The following PKN2 variants were observed in gnomAD, a reference collection of about 807,000 sequenced individuals.
The protein encoded by PKN2 is serine/threonine-protein kinase N2.
PKN2 carries 38 observed loss-of-function variants against 119.1 expected under a neutral mutation model. The ratio of observed to expected loss-of-function variants is 0.32; its 90% confidence interval spans 0.25 to 0.42. PKN2 has a LOEUF of 0.42. Among genes scored for constraint, PKN2 ranks in the 10% least tolerant of loss-of-function variants. The pLI is 1.00. For missense variants in PKN2, 850 were observed against 1,165.1 expected (o/e 0.73, Z 3.94); for synonymous variants, 390 against 384.9 (o/e 1.01, Z -0.15).
At chr1:88,729,905 A>G (rs1429183938) in intron 1 of PKN2, among the ~76,000 whole-genome samples, 2 of 152,070 alleles carry the variant, frequency 1.3e-5, no homozygotes, top group Non-Finnish European at 2.9e-5. Context: ...CATTCAAAGT[A>G]AAAACCAAAG....
At chr1:88,721,944 C>G (rs770449607) in intron 1 of PKN2, among the ~76,000 whole-genome samples, 16 of 152,114 alleles carry the variant, frequency 1.1e-4, no homozygotes, top group Non-Finnish European at 2.2e-4. Flanking sequence ...CCATACAAAT[C>G]TACATTTGTA....
intron 10 of PKN2, 22 bp downstream of exon 10, chr1:88,804,943 CA>C: frequency 1.8e-6 from 2 of 1,094,216 alleles, no homozygotes; most frequent in Non-Finnish European, 2.7e-6. Flanking sequence ...CAATCAAATG[CA>C]TAGCATTTTG....
chr1:88,775,705 CTCTT>C (rs1557602832), intron 6 of PKN2, among the ~76,000 whole-genome samples: 1 of 152,134 alleles, frequency 6.6e-6, no homozygotes, highest in African/African-American at 2.4e-5. Context: ...GTCACAAACT[CTCTT>C]TATGCACCAT....
At chr1:88,741,974 C>G (rs1294726110) in intron 2 of PKN2, among the ~76,000 whole-genome samples, 1 of 151,954 alleles carries the variant, frequency 6.6e-6, no homozygotes, top group Non-Finnish European at 1.5e-5. Context: ...CTTAGACCGT[C>G]TCCTTAAAGG....
intron 21 of PKN2, 36 bp from the exon 22 acceptor site, chr1:88,833,209 C>A (rs1557643068): frequency 4.3e-6 from 7 of 1,609,364 alleles, no homozygotes; most frequent in African/African-American, 1.3e-5. Context: ...TTAGATTTAA[C>A]AAACTAAACT....
intron 8 of PKN2, among the ~76,000 whole-genome samples, chr1:88,797,868 C>T (rs1037499494): frequency 6.6e-6 from 1 of 152,016 alleles, no homozygotes; most frequent in Non-Finnish European, 1.5e-5. Context: ...GTGGTTCATG[C>T]CTGTAATCCC....
chr1:88,743,161 G>A (rs1668641605), intron 2 of PKN2, among the ~76,000 whole-genome samples: 1 of 152,202 alleles, frequency 6.6e-6, no homozygotes, highest in African/African-American at 2.4e-5. Context: ...CTGCCCTCCA[G>A]CCTGGGCAAC....
chr1:88,782,955 G>T (rs1670413045), intron 6 of PKN2, among the ~76,000 whole-genome samples: 1 of 152,096 alleles, frequency 6.6e-6, no homozygotes, highest in South Asian at 2.1e-4. Flanking sequence ...GACCCTTTTG[G>T]GTACTGCTTT....
intron 6 of PKN2, among the ~76,000 whole-genome samples, chr1:88,775,977 A>G (rs1055038454): frequency 7.2e-5 from 11 of 151,828 alleles, no homozygotes; most frequent in African/African-American, 2.2e-4. Context: ...GCGTGGTGGC[A>G]GGCCCCTGTA....
At chr1:88,727,317 C>G (rs1184400024) in intron 1 of PKN2, among the ~76,000 whole-genome samples, 1 of 151,674 alleles carries the variant, frequency 6.6e-6, no homozygotes, top group Non-Finnish European at 1.5e-5. Context: ...AACAGCATTC[C>G]TTTAGGTAAC....
chr1:88,722,157 T>C (rs1225128748), intron 1 of PKN2, among the ~76,000 whole-genome samples: 2 of 152,198 alleles, frequency 1.3e-5, no homozygotes, highest in African/African-American at 4.8e-5. Context: ...TTCAAGCACA[T>C]AAGATTATAA....
At chr1:88,691,737 T>G (rs1666341524) in intron 1 of PKN2, among the ~76,000 whole-genome samples, 1 of 152,206 alleles carries the variant, frequency 6.6e-6, no homozygotes, top group Admixed American at 6.5e-5. Context: ...TCCCTCCTTA[T>G]CCACGGTTTC....
intron 16 of PKN2, among the ~76,000 whole-genome samples, chr1:88,818,924 T>C (rs1672128977): frequency 6.6e-6 from 1 of 151,770 alleles, no homozygotes; most frequent in Non-Finnish European, 1.5e-5. Context: ...AAACAAGTAA[T>C]GGGGAAAGAA....
chr1:88,785,906 TCAAA>T (rs1015573607), intron 7 of PKN2, among the ~76,000 whole-genome samples, 194 bp from the exon 8 acceptor site: 16 of 152,214 alleles, frequency 1.1e-4, no homozygotes, highest in African/African-American at 3.9e-4. Context: ...TGTGTTTTTG[TCAAA>T]CAATTTGGGA....
intron 2 of PKN2, among the ~76,000 whole-genome samples, chr1:88,755,484 C>T (rs1344284722): frequency 6.6e-6 from 1 of 152,130 alleles, no homozygotes; most frequent in Admixed American, 6.5e-5. Flanking sequence ...AATAAATTCT[C>T]TAAGTTTCAG....
In PKN2 at chr1:88,804,997, C is replaced by G. The variant is rs998399834; in HGVS notation, c.1501+76C>G. 6 of 688,920 alleles carry G rather than the reference C, an allele frequency of 8.7e-6. No homozygotes were observed. The African/African-American group carries it at 9.4e-5, about 11-fold the overall frequency. 42.7% of individuals were successfully genotyped at this position (688,920 alleles called of 1,614,324 possible). Reference sequence around the variant, plus strand: ...CTAATTACCATTTAAAAAGTAATAGCCATCTGTGTGGGTTTTTTTGTTGTT... The same window carrying G: ...CTAATTACCATTTAAAAAGTAATAGGCATCTGTGTGGGTTTTTTTGTTGTT... On this transcript the variant is annotated intron_variant, in intron 10 of 21. Transcript: ENST00000370521.
In PKN2 at chr1:88,684,615, T is replaced by C. The variant is rs1469287048; in HGVS notation, c.35T>C (p.Leu12Pro). The change falls in exon 1 of 22, where the codon CTC becomes CCC. Residue 12 changes from leucine (L) to proline (P), a missense_variant. Transcript: ENST00000370521. The stretch of plus-strand genomic sequence containing the variant: ...AACCCCGAACGGGGGGAGATTCTGC[T>C]CACGGAACTGCAGGTAAGGGCCGCG... ...ASNPERGEIL[L>P]TELQGDSRSL... 5 of 1,563,236 alleles carry C rather than the reference T, an allele frequency of 3.2e-6. No individual in the cohort carries two copies. Among genetic ancestry groups the C allele is most frequent in the Non-Finnish European group, 4.3e-6 (5 of 1,155,468 alleles).
At chr1:88,721,980 A>C (rs1463247809) in intron 1 of PKN2, among the ~76,000 whole-genome samples, 2 of 152,124 alleles carry the variant, frequency 1.3e-5, no homozygotes, top group Non-Finnish European at 2.9e-5. Context: ...CCTCATCCCA[A>C]CTCCATATAC....
At chr1:88,725,140 A>C (rs1346116808) in intron 1 of PKN2, among the ~76,000 whole-genome samples, 1 of 152,096 alleles carries the variant, frequency 6.6e-6, no homozygotes. Flanking sequence ...CCGTTGAAGA[A>C]CATTGGGTTA....
Sources: gnomAD v4.1 joint callset for allele counts (sites outside exome capture counted in the v4.1 genomes callset) on GRCh38, gnomAD v4.1.1 for gene constraint, MANE v1.5 for transcripts, NCBI Gene and HGNC (gene_info 2026-07-23, HGNC 2026-07-21) for gene names.